Variants in ANKS1B observed in about 807,000 individuals in gnomAD.
ANKS1B encodes ankyrin repeat and sterile alpha motif domain-containing protein 1B.
A neutral mutation model predicts 148.3 loss-of-function variants in ANKS1B; 36 were observed. That is an observed-to-expected ratio of 0.24 (90% confidence interval 0.19 to 0.32). The LOEUF is 0.32. Ranked by LOEUF, ANKS1B falls within the 10% of genes least tolerant of loss-of-function variation. The probability of loss-of-function intolerance (pLI) is 1.00; values close to 1 mark genes in which losing one functional copy is unlikely to be tolerated. For missense variants in ANKS1B, 1,157 were observed against 1,542.6 expected (o/e 0.75, Z 4.19); for synonymous variants, 542 against 560.8 (o/e 0.97, Z 0.47).
chr12:99,690,173 G>C (rs776805048), intron 8 of ANKS1B, among the ~76,000 whole-genome samples: 10 of 152,172 alleles, frequency 6.6e-5, no homozygotes, highest in South Asian at 6.2e-4. Context: ...GAACAGCATA[G>C]GGGAAACCGC....
chr12:99,879,075 G>A (rs561886535), intron 1 of ANKS1B, among the ~76,000 whole-genome samples: 1 of 152,260 alleles, frequency 6.6e-6, no homozygotes, highest in South Asian at 2.1e-4. Context: ...TAGAAGCTGC[G>A]TGCATGTGGC....
At chr12:99,035,522 A>C (rs1255671506) in intron 17 of ANKS1B, among the ~76,000 whole-genome samples, 2 of 152,210 alleles carry the variant, frequency 1.3e-5, no homozygotes, top group Non-Finnish European at 2.9e-5. Context: ...AAAAATGGAC[A>C]ATCTCCCCAG....
At chr12:99,855,812 C>T (rs2088930293) in intron 1 of ANKS1B, among the ~76,000 whole-genome samples, 1 of 152,194 alleles carries the variant, frequency 6.6e-6, no homozygotes, top group African/African-American at 2.4e-5. Flanking sequence ...CCTGAATGAT[C>T]ATTGTGTCAA....
intron 10 of ANKS1B, among the ~76,000 whole-genome samples, chr12:99,460,681 T>C (rs1448409626): frequency 6.7e-6 from 1 of 149,892 alleles, no homozygotes; most frequent in African/African-American, 2.5e-5. Context: ...GAAATGCAAA[T>C]CAAAACCAAA....
chr12:99,526,617 T>A (rs1443324746), intron 9 of ANKS1B, among the ~76,000 whole-genome samples: 1 of 152,140 alleles, frequency 6.6e-6, no homozygotes, highest in African/African-American at 2.4e-5. Flanking sequence ...AAGTTACTGA[T>A]GAAACCCCAT....
chr12:98,933,893 T>C (rs1325935035), intron 17 of ANKS1B, among the ~76,000 whole-genome samples: 2 of 152,224 alleles, frequency 1.3e-5, no homozygotes, highest in African/African-American at 2.4e-5. Context: ...ATTCCTTGTA[T>C]AGGTTGGAGA....
intron 9 of ANKS1B, among the ~76,000 whole-genome samples, chr12:99,638,099 T>TGTGCC (rs2098260419): frequency 6.6e-6 from 1 of 152,070 alleles, no homozygotes; most frequent in Non-Finnish European, 1.5e-5. Flanking sequence ...AAGAAGAACA[T>TGTGCC]ATTTGTTTCC....
In ANKS1B at chr12:99,154,269, G is replaced by C. The variant is rs1203162652; in HGVS notation, c.2526+20C>G. On this transcript the variant is annotated intron_variant, in intron 15 of 26. Coordinates refer to ENST00000683438, the MANE Select transcript of ANKS1B (RefSeq NM_001352186.2). Reference sequence around the variant, plus strand: ...AAAGACAGACAAAAGGCAGCTCCGTGGACACAGAGAGCTTCTTACCATAAA... The same window carrying C: ...AAAGACAGACAAAAGGCAGCTCCGTCGACACAGAGAGCTTCTTACCATAAA... 6.2e-7 allele frequency: 1 copy of C among 1,613,014 alleles called. No individual in the cohort carries two copies. The highest frequency in any genetic ancestry group is 1.7e-5 in the Admixed American group (1 of 59,972).
chr12:99,064,558 C>T (rs778202829), intron 16 of ANKS1B, among the ~76,000 whole-genome samples: 1 of 152,160 alleles, frequency 6.6e-6, no homozygotes, highest in East Asian at 1.9e-4. Context: ...ATAAAGCATC[C>T]TTGGGAAAAA....
intron 8 of ANKS1B, among the ~76,000 whole-genome samples, chr12:99,723,944 GCAA>G (rs1163174351): frequency 6.9e-6 from 1 of 145,900 alleles, no homozygotes; most frequent in South Asian, 2.4e-4. Flanking sequence ...CAAACAGAAA[GCAA>G]CAACAACAGC....
At chr12:99,236,667 C>T (rs560054555) in intron 14 of ANKS1B, among the ~76,000 whole-genome samples, 1 of 152,202 alleles carries the variant, frequency 6.6e-6, no homozygotes, top group South Asian at 2.1e-4. Flanking sequence ...TTTCTCTTGC[C>T]TGACTGCACT....
At chr12:99,154,179 T>C (rs1007376923) in intron 15 of ANKS1B, 110 bp downstream of exon 15, 13 of 1,365,844 alleles carry the variant, frequency 9.5e-6, no homozygotes, top group Non-Finnish European at 1.2e-5. Context: ...CAGTTACATA[T>C]ATAAATCTGA....
chr12:99,914,515 T>A (rs892946380), intron 1 of ANKS1B, among the ~76,000 whole-genome samples: 2 of 152,280 alleles, frequency 1.3e-5, no homozygotes, highest in East Asian at 3.9e-4. Flanking sequence ...ATTCAGGGCA[T>A]GCTGTAAAAG....
chr12:98,774,327 A>T (rs1348645641), intron 24 of ANKS1B, among the ~76,000 whole-genome samples: 6 of 151,830 alleles, frequency 4.0e-5, no homozygotes, highest in Admixed American at 3.9e-4. Flanking sequence ...CAACGTCTCC[A>T]CCTCCCTCTT....
At chr12:99,675,283 A>G (rs968410328) in intron 8 of ANKS1B, among the ~76,000 whole-genome samples, 2 of 152,054 alleles carry the variant, frequency 1.3e-5, no homozygotes, top group African/African-American at 4.8e-5. Context: ...TTCCATTGAT[A>G]TAAAAGCAAA....
chr12:99,804,061 T>C (rs2067294807), intron 4 of ANKS1B, among the ~76,000 whole-genome samples: 2 of 152,330 alleles, frequency 1.3e-5, no homozygotes, highest in South Asian at 4.1e-4. Flanking sequence ...ATTTAAACTC[T>C]TTCCCTTCTG....
At chr12:98,768,426 TAAAA>T (rs386377533) in intron 25 of ANKS1B, among the ~76,000 whole-genome samples, 2 of 46,678 alleles carry the variant, frequency 4.3e-5, no homozygotes, top group Non-Finnish European at 7.2e-5. Flanking sequence ...GGGTGCTCTC[TAAAA>T]AAAAAAAAAA....
At chr12:99,290,589 T>G (rs1566820442) in intron 12 of ANKS1B, among the ~76,000 whole-genome samples, 1 of 152,102 alleles carries the variant, frequency 6.6e-6, no homozygotes, top group Non-Finnish European at 1.5e-5. Context: ...CAGGTTGGAT[T>G]TATCCCTGGA....
At chr12:99,677,755 C>A (rs1779470125) in intron 8 of ANKS1B, among the ~76,000 whole-genome samples, 1 of 152,112 alleles carries the variant, frequency 6.6e-6, no homozygotes, top group Non-Finnish European at 1.5e-5. Context: ...TGGCAGATCA[C>A]GAGGTCAGGA....
Sources: allele counts gnomAD v4.1 joint callset (sites outside exome capture counted in the v4.1 genomes callset), GRCh38; gene constraint gnomAD v4.1.1; transcripts MANE v1.5; gene names NCBI Gene and HGNC (gene_info 2026-07-23, HGNC 2026-07-21).